LRRC7: variants seen among roughly 807,000 people sequenced by gnomAD.
LRRC7 encodes the protein leucine-rich repeat-containing protein 7.
In LRRC7, 23 loss-of-function variants were observed where a neutral mutation model predicts 175.7. The ratio of observed to expected loss-of-function variants is 0.13; its 90% CI spans 0.09 to 0.19. LRRC7 has a LOEUF of 0.19. Ranked by LOEUF, LRRC7 falls within the 10% of genes least tolerant of loss-of-function variation. The pLI is 1.00. For synonymous variants in LRRC7, 685 were observed against 680.9 expected (o/e 1.01, Z -0.09); for missense variants, 1,354 against 1,904.7 (o/e 0.71, Z 5.38).
intron 4 of LRRC7, among the ~76,000 whole-genome samples, chr1:69,795,196 A>G (rs1226466631): frequency 2.0e-5 from 3 of 152,152 alleles, no homozygotes; most frequent in Non-Finnish European, 2.9e-5. Flanking sequence ...CCAGGCCAAC[A>G]TGGTGAAACC....
chr1:69,967,959 T>C (rs1402462980), intron 8 of LRRC7, among the ~76,000 whole-genome samples: 2 of 152,040 alleles, frequency 1.3e-5, no homozygotes. Flanking sequence ...ATGAAATCCC[T>C]GATTTACCTG....
In LRRC7 at chr1:69,837,927, T is replaced by A. The variant is rs1162810762; in HGVS notation, c.591-300T>A. ...AGTTTACCATAGTAAAATTTATTTT[T>A]ATTTTAATTTTTAATTATTATGGGT... is the stretch of plus-strand genomic sequence containing the variant. On this transcript the variant is annotated intron_variant, in intron 6 of 26. Transcript: ENST00000651989. Among the ~76,000 whole-genome samples the A allele has an allele frequency of 2.6e-5, 4 of 151,596 alleles. No individual in the cohort carries two copies. The Admixed American group carries it at 2.6e-4, about 10-fold the overall frequency.
chr1:69,988,450 A>C (rs887994618), intron 10 of LRRC7, among the ~76,000 whole-genome samples: 1 of 152,212 alleles, frequency 6.6e-6, no homozygotes, highest in Non-Finnish European at 1.5e-5. Flanking sequence ...TGTTTGCTTA[A>C]GAAGAATGAA....
At chr1:70,015,835 T>C (rs927151300) in intron 13 of LRRC7, among the ~76,000 whole-genome samples, 1 of 152,188 alleles carries the variant, frequency 6.6e-6, no homozygotes, top group Non-Finnish European at 1.5e-5. Context: ...CAACATAATA[T>C]TGGGAGCTGT....
chr1:70,025,054 T>A (rs1055726498), intron 17 of LRRC7, among the ~76,000 whole-genome samples: 2 of 152,086 alleles, frequency 1.3e-5, no homozygotes, highest in African/African-American at 4.8e-5. Flanking sequence ...GTAACACTTG[T>A]GTAGCATAAG....
intron 5 of LRRC7, among the ~76,000 whole-genome samples, chr1:69,829,898 A>G (rs1339960191): frequency 6.6e-6 from 1 of 151,786 alleles, no homozygotes; most frequent in Admixed American, 6.6e-5. Flanking sequence ...GGAAGTAATT[A>G]TATTGACAAG....
chr1:69,717,977 A>AAAAGAAAG (rs1557642524), intron 2 of LRRC7, among the ~76,000 whole-genome samples: 2 of 48,286 alleles, frequency 4.1e-5, no homozygotes, highest in African/African-American at 8.5e-5. Context: ...AAGAAAGAGA[A>AAAAGAAAG]AGAAAGAGGA....
rs1316620754 is a variant in LRRC7 at position 70,144,207 on chromosome 1, A to AGAT, written c.*22321_*22323dup. ...TGCATTTTGAAGATGCTTTCTGTAC[A>AGAT]GATACAAAATACAGGGACTAAAATA... is the stretch of plus-strand genomic sequence containing the variant. On this transcript the variant is annotated 3_prime_UTR_variant, in exon 27 of 27. Coordinates refer to ENST00000651989, the MANE Select transcript of LRRC7 (RefSeq NM_001370785.2). The AGAT allele has an allele frequency of 3.3e-5, 5 of 152,240 alleles. No homozygotes were observed. Among genetic ancestry groups the AGAT allele is most frequent in the Admixed American group, 6.5e-5 (1 of 15,276 alleles). The allele number at this position is 152,240 out of a possible 1,614,324, so 9.4% of individuals were successfully genotyped here. A position where few individuals can be genotyped will look rare whatever the true frequency, so the allele number is the denominator to read the frequency against.
At position 70,141,800 on chromosome 1, in the gene LRRC7, A is replaced by T. The variant is rs904398945; in HGVS notation, c.*19913A>T. The T allele has an allele frequency of 1.3e-5, 2 of 152,018 alleles. No individual in the cohort carries two copies. The highest frequency in any genetic ancestry group is 2.9e-5 in the Non-Finnish European group (2 of 67,968). 9.4% of individuals were successfully genotyped at this position (152,018 alleles called of 1,614,324 possible). On this transcript the variant is annotated 3_prime_UTR_variant, in exon 27 of 27. Transcript: ENST00000651989. ...TCTTATATTGAAAACTTTTATGGTG[A>T]CTCAGGTTTTGTGTCTATGTATAGG...
chr1:69,784,196 A>G lies in LRRC7; in HGVS notation c.304-7847A>G, dbSNP rs193085825. The stretch of plus-strand genomic sequence containing the variant: ...ATAAACACACAAATCCAAACAATAT[A>G]TAATTTTAAGATTATTAAACCTGTT... On this transcript the variant is annotated intron_variant, in intron 3 of 26. Transcript: ENST00000651989. 3.2e-3 allele frequency among the ~76,000 whole-genome samples: 484 copies of G among 152,276 alleles called. 2 individuals carry two copies. Among genetic ancestry groups the G allele is most frequent in the Non-Finnish European group, 4.4e-3 (299 of 68,018 alleles).
At chr1:69,958,243 C>T (rs1427930693) in intron 8 of LRRC7, among the ~76,000 whole-genome samples, 3 of 151,922 alleles carry the variant, frequency 2.0e-5, no homozygotes, top group Non-Finnish European at 4.4e-5. Context: ...AATTTGCTAT[C>T]TGCCCTTTAT....
intron 2 of LRRC7, among the ~76,000 whole-genome samples, chr1:69,750,968 A>G (rs1321634765): frequency 6.6e-6 from 1 of 152,190 alleles, no homozygotes; most frequent in Non-Finnish European, 1.5e-5. Flanking sequence ...ATATGGGATT[A>G]TGATCTCCTC....
At position 70,129,115 on chromosome 1, in the gene LRRC7, C is replaced by T. The variant is rs1043237728; in HGVS notation, c.*7228C>T. The stretch of plus-strand genomic sequence containing the variant: ...ATGAAAAATTAGCCGGGCATTGTGG[C>T]GCGCACCTGTAATCCTAGTTACTGG... On this transcript the variant is annotated 3_prime_UTR_variant, in exon 27 of 27. Coordinates refer to ENST00000651989, the MANE Select transcript of LRRC7 (RefSeq NM_001370785.2). Among the ~76,000 whole-genome samples, 5 of 151,986 alleles carry T rather than the reference C, an allele frequency of 3.3e-5. No individual in the cohort carries two copies. The highest frequency in any genetic ancestry group is 1.9e-4 in the East Asian group (1 of 5,162).
chr1:69,724,237 T>G (rs951179351), intron 2 of LRRC7, among the ~76,000 whole-genome samples: 16 of 152,234 alleles, frequency 1.1e-4, no homozygotes, highest in Middle Eastern at 3.4e-3. Context: ...CTGATAAAAC[T>G]TGTGCCTTTC....
chr1:69,649,116 G>A (rs1473213193), intron 1 of LRRC7, among the ~76,000 whole-genome samples: 2 of 152,144 alleles, frequency 1.3e-5, no homozygotes, highest in African/African-American at 4.8e-5. Flanking sequence ...TACAGATATT[G>A]TTAGATTCTG....
At position 70,144,337 on chromosome 1, in the gene LRRC7, A is replaced by AAAT. The variant is rs1667216924; in HGVS notation, c.*22456_*22458dup. On this transcript the variant is annotated 3_prime_UTR_variant, in exon 27 of 27. Transcript: ENST00000651989. ...TAACATAAAAGTCTCCTTATTGTAT[A>AAAT]AATAATAAAATGTCACCTTATTGTA... 6.6e-6 allele frequency: 1 copy of AAAT among 152,234 alleles called. No individual in the cohort carries two copies. The highest frequency in any genetic ancestry group is 2.4e-5 in the African/African-American group (1 of 41,458). 9.4% of individuals were successfully genotyped at this position (152,234 alleles called of 1,614,324 possible).
In LRRC7 at chr1:69,992,629, T is replaced by G. The variant is rs76679639; in HGVS notation, c.932-1932T>G. ...AGTATCCTCTTGGATGGAATATGAG[T>G]GTTGGCAAAATAGCCACACAACAAA... On this transcript the variant is annotated intron_variant, in intron 10 of 26. Coordinates refer to ENST00000651989, the MANE Select transcript of LRRC7 (RefSeq NM_001370785.2). Among the ~76,000 whole-genome samples the G allele has an allele frequency of 7.5e-3, 1,137 of 152,250 alleles. 11 individuals carry two copies. The highest frequency in any genetic ancestry group is 0.025 in the African/African-American group (1,047 of 41,552).
At chr1:69,758,928 T>A (rs1670731632) in intron 2 of LRRC7, among the ~76,000 whole-genome samples, 1 of 152,050 alleles carries the variant, frequency 6.6e-6, no homozygotes, top group Non-Finnish European at 1.5e-5. Context: ...GCAAGTTAAA[T>A]GCAAGTTTCA....
At chr1:69,872,376 C>T (rs114726232) in intron 7 of LRRC7, among the ~76,000 whole-genome samples, 1,893 of 151,978 alleles carry the variant, frequency 0.012, 33 homozygotes, top group African/African-American at 0.043. Context: ...AAATTATGTT[C>T]AATAAGAATC....
Sources: gnomAD v4.1 joint callset for allele counts (sites outside exome capture counted in the v4.1 genomes callset) on GRCh38, gnomAD v4.1.1 for gene constraint, MANE v1.5 for transcripts, NCBI Gene and HGNC (gene_info 2026-07-23, HGNC 2026-07-21) for gene names.